The following MBD2 variants were observed in gnomAD, a reference collection of about 807,000 sequenced individuals.
MBD2 encodes methyl-CpG binding domain protein 2.
Under a neutral mutation model 39.3 loss-of-function variants are expected in MBD2, and 9 were observed. The ratio of observed to expected loss-of-function variants is 0.23; its 90% confidence interval spans 0.14 to 0.40. The LOEUF (loss-of-function observed/expected upper bound fraction) is 0.40. Among genes scored for constraint, MBD2 ranks in the 10% least tolerant of loss-of-function variants. The pLI is 1.00. For missense variants in MBD2, 458 were observed against 532.6 expected (o/e 0.86, Z 1.38); for synonymous variants, 233 against 211.1 (o/e 1.10, Z -0.90).
At chr18:54,178,762 T>C (rs2086229372) in intron 3 of MBD2, among the ~76,000 whole-genome samples, 1 of 152,128 alleles carries the variant, frequency 6.6e-6, no homozygotes, top group Admixed American at 6.5e-5. Flanking sequence ...AGGAAAGGTC[T>C]CCCCAATACC....
At chr18:54,217,699 TATCTC>T (rs2086572940) in intron 1 of MBD2, among the ~76,000 whole-genome samples, 1 of 152,252 alleles carries the variant, frequency 6.6e-6, no homozygotes, top group East Asian at 1.9e-4. Flanking sequence ...AAAATGATGA[TATCTC>T]ATTAACTAAA....
chr18:54,192,402 T>A (rs941284500), intron 2 of MBD2, among the ~76,000 whole-genome samples: 6 of 152,054 alleles, frequency 3.9e-5, no homozygotes, highest in Non-Finnish European at 5.9e-5. Context: ...CCAGCTAATT[T>A]TTTTATTTTT....
intron 5 of MBD2, among the ~76,000 whole-genome samples, chr18:54,162,843 T>C (rs2086106609): frequency 6.6e-6 from 1 of 152,182 alleles, no homozygotes; most frequent in Non-Finnish European, 1.5e-5. Context: ...TGAATACAAC[T>C]TTGCACCACT....
intron 3 of MBD2, among the ~76,000 whole-genome samples, chr18:54,168,486 G>A (rs987069467): frequency 6.6e-6 from 1 of 150,774 alleles, no homozygotes; most frequent in South Asian, 2.1e-4. Context: ...CTAAGATTTT[G>A]CGTATGCTCT....
chr18:54,217,370 G>A lies in MBD2; in HGVS notation c.542+6648C>T, dbSNP rs539158094. Among the ~76,000 whole-genome samples the A allele has an allele frequency of 9.2e-4, 140 of 152,182 alleles. 1 individual carries two copies. The highest frequency in any genetic ancestry group is 3.3e-3 in the African/African-American group (136 of 41,518). On this transcript the variant is annotated intron_variant, in intron 1 of 6. Coordinates refer to ENST00000256429, the MANE Select transcript of MBD2 (RefSeq NM_003927.5). ...TATTTTTATTCTCCTTCCTTGGGAA[G>A]TTTTAGTTTTTAGAAGTTCTGATAA...
intron 1 of MBD2, among the ~76,000 whole-genome samples, chr18:54,222,016 G>A (rs1025852639): frequency 6.6e-6 from 1 of 152,190 alleles, no homozygotes; most frequent in African/African-American, 2.4e-5. Context: ...AGTTTAAGAT[G>A]TTCTACTGAG....
At chr18:54,217,084 C>T (rs950379837) in intron 1 of MBD2, among the ~76,000 whole-genome samples, 2 of 152,100 alleles carry the variant, frequency 1.3e-5, no homozygotes, top group African/African-American at 4.8e-5. Context: ...AGCGAAACTC[C>T]GTCTCAAAAC....
At chr18:54,213,903 A>C (rs973113938) in intron 1 of MBD2, among the ~76,000 whole-genome samples, 2 of 152,166 alleles carry the variant, frequency 1.3e-5, no homozygotes, top group African/African-American at 4.8e-5. Context: ...TTACATATAT[A>C]CATACACACA....
At chr18:54,216,898 C>A (rs544667607) in intron 1 of MBD2, among the ~76,000 whole-genome samples, 2 of 152,284 alleles carry the variant, frequency 1.3e-5, no homozygotes, top group African/African-American at 4.8e-5. Context: ...CGAGACCAGC[C>A]TGGCCAACAT....
Position 54,153,978 on chromosome 18 carries a change from T to C in MBD2, c.*1346A>G, listed in dbSNP as rs1197015800. 1 of 152,250 alleles carries C rather than the reference T, an allele frequency of 6.6e-6. No homozygotes were observed. Among genetic ancestry groups the C allele is most frequent in the Admixed American group, 6.5e-5 (1 of 15,280 alleles). 9.4% of individuals were successfully genotyped at this position (152,250 alleles called of 1,614,324 possible). A position where few individuals can be genotyped will look rare whatever the true frequency, so the allele number is the denominator to read the frequency against. On this transcript the variant is annotated 3_prime_UTR_variant, in exon 7 of 7. Transcript: ENST00000256429. ...GACTATTCCCCTCTTCTTCCCTGCC[T>C]TGGAAACTGGAGGTAGTGGTAATAA...
intron 6 of MBD2, among the ~76,000 whole-genome samples, chr18:54,157,289 C>G (rs2086059306): frequency 6.6e-6 from 1 of 150,514 alleles, no homozygotes; most frequent in Non-Finnish European, 1.5e-5. Context: ...GAGACAGAGT[C>G]TCACTCTATC....
Position 54,205,651 on chromosome 18 carries a change from G to GA in MBD2, c.543-495dup, listed in dbSNP as rs546302646. Among the ~76,000 whole-genome samples the GA allele has an allele frequency of 3.5e-5, 5 of 144,472 alleles. No individual in the cohort carries two copies. The East Asian group carries it at 8.1e-4, about 23-fold the overall frequency. The allele number at this position is 144,472 out of a possible 152,430, so 94.8% of individuals were successfully genotyped here. A position where few individuals can be genotyped will look rare whatever the true frequency, so the allele number is the denominator to read the frequency against. ...AGGGAACTCCGTAACTTCCCTGTAA[G>GA]AAAAAATCAAGTGTCACCTAATATA... On this transcript the variant is annotated intron_variant, in intron 1 of 6. Transcript: ENST00000256429.
At chr18:54,197,728 C>A (rs971468259) in intron 2 of MBD2, among the ~76,000 whole-genome samples, 4 of 152,120 alleles carry the variant, frequency 2.6e-5, no homozygotes, top group Non-Finnish European at 5.9e-5. Flanking sequence ...TCCACGGGCA[C>A]GCGTCTAGAT....
chr18:54,170,191 A>C (rs115498529), intron 3 of MBD2, among the ~76,000 whole-genome samples: 23 of 152,362 alleles, frequency 1.5e-4, no homozygotes, highest in African/African-American at 5.3e-4. Context: ...GCATAGTTGC[A>C]TGTACTTTAC....
chr18:54,164,633 A>T lies in MBD2; in HGVS notation c.999T>A (p.Ser333=). ...CGGAGACTTGCCCTGTGATTGGCGC[A>T]GAGCTTGTGTGCAAAGCACTGGCAA... The part of the protein sequence containing the change: ...SAVASALHTS[S]APITGQVSAA... Residue 333 remains serine, a synonymous_variant, in exon 5 of 7, where the codon TCT becomes TCA. Transcript: ENST00000256429. 1 of 1,614,212 alleles carries T rather than the reference A, an allele frequency of 6.2e-7. No individual in the cohort carries two copies. Among genetic ancestry groups the T allele is most frequent in the East Asian group, 2.2e-5 (1 of 44,882 alleles).
At chr18:54,213,546 T>C (rs1033936934) in intron 1 of MBD2, among the ~76,000 whole-genome samples, 4 of 152,222 alleles carry the variant, frequency 2.6e-5, no homozygotes, top group African/African-American at 9.6e-5. Context: ...AATGAATTTA[T>C]GTAGAATTCT....
intron 1 of MBD2, among the ~76,000 whole-genome samples, chr18:54,216,238 G>A (rs991721031): frequency 1.3e-5 from 2 of 151,988 alleles, no homozygotes; most frequent in African/African-American, 4.8e-5. Context: ...ACACACACAA[G>A]TTTGAGGAAA....
At chr18:54,163,745 C>G (rs2086111866) in intron 5 of MBD2, among the ~76,000 whole-genome samples, 1 of 152,016 alleles carries the variant, frequency 6.6e-6, no homozygotes, top group Non-Finnish European at 1.5e-5. Flanking sequence ...TTCTTTCTTA[C>G]TTGCTTCTCT....
At chr18:54,176,489 G>A (rs2086213346) in intron 3 of MBD2, among the ~76,000 whole-genome samples, 1 of 152,116 alleles carries the variant, frequency 6.6e-6, no homozygotes, top group Non-Finnish European at 1.5e-5. Flanking sequence ...ACATAATAGA[G>A]ACTCTTGTCA....
Sources: allele counts gnomAD v4.1 joint callset (sites outside exome capture counted in the v4.1 genomes callset), GRCh38; gene constraint gnomAD v4.1.1; transcripts MANE v1.5; gene names NCBI Gene and HGNC (gene_info 2026-07-23, HGNC 2026-07-21).